TNN: variants seen among roughly 807,000 people sequenced by gnomAD.
TNN encodes the protein tenascin-N.
TNN carries 122 observed loss-of-function variants against 134.4 expected under a neutral mutation model. That is an observed-to-expected ratio of 0.91 (90% CI 0.78 to 1.06). TNN has a LOEUF of 1.06. Among genes scored for constraint, TNN ranks in the 50% least tolerant of loss-of-function variants. TNN has a pLI of 0.00. For synonymous variants in TNN, 710 were observed against 670.3 expected (o/e 1.06, Z -0.91); for missense variants, 1,739 against 1,699.4 (o/e 1.02, Z -0.41).
At chr1:175,107,286 CT>C (rs1179649122) in intron 9 of TNN, among the ~76,000 whole-genome samples, 2 of 145,094 alleles carry the variant, frequency 1.4e-5, no homozygotes, top group Non-Finnish European at 1.5e-5. Flanking sequence ...AGGAGTGAAG[CT>C]GCAGACCTTC....
intron 9 of TNN, among the ~76,000 whole-genome samples, chr1:175,111,120 C>A (rs1244968901): frequency 6.6e-6 from 1 of 152,184 alleles, no homozygotes; most frequent in East Asian, 1.9e-4. Flanking sequence ...AAGTTCGAGA[C>A]CAGCCTGGCC....
At chr1:175,089,689 G>A (rs1415051984) in intron 6 of TNN, among the ~76,000 whole-genome samples, 1 of 152,200 alleles carries the variant, frequency 6.6e-6, no homozygotes, top group East Asian at 1.9e-4. Context: ...TTTCCCTGGT[G>A]TGTATAAAAC....
In TNN at chr1:175,144,323, C is replaced by T. The variant is rs567596986; in HGVS notation, c.3596-64C>T. On this transcript the variant is annotated intron_variant, in intron 17 of 18. Coordinates refer to ENST00000239462, the MANE Select transcript of TNN (RefSeq NM_022093.2). ...TGCCTAGAGATCTTCCTGCTGGGTCCTCTTTTGATCATCTCCTCGGTGGCT... is the reference window on the plus strand; with the variant it reads ...TGCCTAGAGATCTTCCTGCTGGGTCTTCTTTTGATCATCTCCTCGGTGGCT... 4 of 1,505,326 alleles carry T rather than the reference C, an allele frequency of 2.7e-6. No individual in the cohort carries two copies. The South Asian group carries it at 4.9e-5, about 18-fold the overall frequency. The allele number at this position is 1,505,326 out of a possible 1,614,324, so 93.2% of individuals were successfully genotyped here.
Position 175,117,029 on chromosome 1 carries a change from G to T in TNN, c.2210G>T (p.Arg737Met), listed in dbSNP as rs895764988. 2.5e-6 allele frequency: 4 copies of T among 1,614,206 alleles called. No individual in the cohort carries two copies. Among genetic ancestry groups the T allele is most frequent in the Non-Finnish European group, 3.4e-6 (4 of 1,180,036 alleles). The change falls in exon 10 of 19, where the codon AGG (arginine) becomes ATG (methionine). Residue 737 changes from arginine (R) to methionine (M), a missense_variant. Transcript: ENST00000239462. ...GACCCGGTGCGGGCCACCATTGACA[G>T]GTATGTGGTGCGCTACACCTCTGCC... ...SWDPVRATIDRYVVRYTSAKD... is the reference protein window; with the variant it reads ...SWDPVRATIDMYVVRYTSAKD...
At chr1:175,079,200 C>G in intron 2 of TNN, 133 bp from the exon 3 acceptor site, 20 of 1,091,092 alleles carry the variant, frequency 1.8e-5, no homozygotes, top group East Asian at 3.3e-5. Context: ...AATAGCCGTG[C>G]AAGACCCAGA....
At chr1:175,130,847 A>G (rs981222526) in intron 15 of TNN, among the ~76,000 whole-genome samples, 4 of 152,024 alleles carry the variant, frequency 2.6e-5, no homozygotes, top group Non-Finnish European at 5.9e-5. Context: ...CGGTTCCAAA[A>G]ATAATAAAAC....
Position 175,094,134 on chromosome 1 carries a change from A to C in TNN, c.1469A>C (p.His490Pro). ...ADGDTKEMAVHKDESSTVLTG... is the reference protein window; with the variant it reads ...ADGDTKEMAVPKDESSTVLTG... ...GGGGACACCAAGGAAATGGCAGTGC[A>C]CAAGGATGAGAGCAGCACTGTCCTG... is the stretch of plus-strand genomic sequence containing the variant. Residue 490 changes from histidine (H) to proline (P), a missense_variant, in exon 7 of 19, where the codon CAC becomes CCC. Transcript: ENST00000239462. The C allele has an allele frequency of 1.2e-6, 2 of 1,614,234 alleles. No homozygotes were observed. Among genetic ancestry groups the C allele is most frequent in the Non-Finnish European group, 1.7e-6 (2 of 1,180,050 alleles).
rs1160268455 is a variant in TNN at position 175,109,072 on chromosome 1, ATTTTTTTTTTT to A, written c.2120-7850_2120-7840del. On this transcript the variant is annotated intron_variant, in intron 9 of 18. Coordinates refer to ENST00000239462, the MANE Select transcript of TNN (RefSeq NM_022093.2). The stretch of plus-strand genomic sequence containing the variant: ...GAATGTATTTCTTCTATCTAACTGT[ATTTTTTTTTTT>A]TTTTTTTTTTTTTTTTGAGACGGAG... Among the ~76,000 whole-genome samples the A allele has an allele frequency of 6.5e-4, 40 of 61,982 alleles. 1 individual carries two copies. In the South Asian group the frequency reaches 0.02, roughly 31 times the overall value. 40.7% of individuals were successfully genotyped at this position (61,982 alleles called of 152,430 possible).
At chr1:175,124,311 T>G (rs1330273205) in intron 12 of TNN, among the ~76,000 whole-genome samples, 1 of 152,238 alleles carries the variant, frequency 6.6e-6, no homozygotes, top group African/African-American at 2.4e-5. Context: ...TAGCTTGCAT[T>G]TTTAATCTAA....
chr1:175,112,598 C>CTTTTTTTTTTTTTTTTTTTTTTTTTT lies in TNN; in HGVS notation c.2120-4329_2120-4304dup, dbSNP rs767531767. On this transcript the variant is annotated intron_variant, in intron 9 of 18. Transcript: ENST00000239462. ...TTAAAGATCCATTCAGCCGGCCGAT[C>CTTTTTTTTTTTTTTTTTTTTTTTTTT]TTTTTTTTTTTTTTTTTTTTTTTTT... Among the ~76,000 whole-genome samples the CTTTTTTTTTTTTTTTTTTTTTTTTTT allele has an allele frequency of 1.4e-3, 30 of 21,990 alleles. 12 individuals are homozygous for CTTTTTTTTTTTTTTTTTTTTTTTTTT. Among genetic ancestry groups the CTTTTTTTTTTTTTTTTTTTTTTTTTT allele is most frequent in the Admixed American group, 4.1e-3 (5 of 1,226 alleles). 14.4% of individuals were successfully genotyped at this position (21,990 alleles called of 152,430 possible).
At chr1:175,068,037 T>A in intron 1 of TNN, 102 bp downstream of exon 1, 1 of 429,994 alleles carries the variant, frequency 2.3e-6, no homozygotes, top group Non-Finnish European at 4.7e-6. Context: ...TTCCCGAGCC[T>A]GAAAATCCGG....
chr1:175,131,181 A>G (rs1675666186), intron 15 of TNN, among the ~76,000 whole-genome samples: 1 of 152,242 alleles, frequency 6.6e-6, no homozygotes, highest in African/African-American at 2.4e-5. Flanking sequence ...ATAGGCCAGA[A>G]GAACTGTGCC....
At chr1:175,083,006 A>G (rs938842960) in intron 4 of TNN, among the ~76,000 whole-genome samples, 4 of 152,010 alleles carry the variant, frequency 2.6e-5, no homozygotes, top group African/African-American at 9.7e-5. Context: ...TCTGAGTAGA[A>G]GAGTAAACAT....
At chr1:175,108,430 T>TG (rs1272394423) in intron 9 of TNN, among the ~76,000 whole-genome samples, 2 of 152,258 alleles carry the variant, frequency 1.3e-5, no homozygotes, top group African/African-American at 4.8e-5. Flanking sequence ...CAGGTGGAGC[T>TG]GCCTGCCAGT....
intron 15 of TNN, among the ~76,000 whole-genome samples, chr1:175,134,517 C>T (rs1032624906): frequency 8.7e-5 from 13 of 148,840 alleles, no homozygotes; most frequent in Non-Finnish European, 1.8e-4. Flanking sequence ...TGCACTCCAG[C>T]CTGGGCAACA....
chr1:175,093,744 T>C (rs1015931743), intron 6 of TNN, among the ~76,000 whole-genome samples: 1 of 152,178 alleles, frequency 6.6e-6, no homozygotes, highest in African/African-American at 2.4e-5. Context: ...AGGAGTTTTC[T>C]CTAATATGTT....
At chr1:175,078,187 C>A (rs1463576284) in intron 2 of TNN, among the ~76,000 whole-genome samples, 1 of 152,116 alleles carries the variant, frequency 6.6e-6, no homozygotes, top group African/African-American at 2.4e-5. Context: ...CTAGACAAGA[C>A]AGGTTACAAA....
intron 14 of TNN, 130 bp downstream of exon 14, chr1:175,128,294 T>C: frequency 1.1e-6 from 1 of 917,236 alleles, no homozygotes. Context: ...GAAGTGGAAA[T>C]GGGGTTGTGT....
intron 3 of TNN, 75 bp downstream of exon 3, chr1:175,079,782 G>A: frequency 6.7e-7 from 1 of 1,483,070 alleles, no homozygotes; most frequent in South Asian, 1.4e-5. Flanking sequence ...ATTACACGTT[G>A]TCATCTTTGG....
Sources: gnomAD v4.1 joint callset for allele counts (sites outside exome capture counted in the v4.1 genomes callset) on GRCh38, gnomAD v4.1.1 for gene constraint, MANE v1.5 for transcripts, NCBI Gene and HGNC (gene_info 2026-07-23, HGNC 2026-07-21) for gene names.